The following PTPRM variants were observed in gnomAD, a reference collection of about 807,000 sequenced individuals.
PTPRM encodes protein tyrosine phosphatase receptor type M.
In PTPRM, 47 loss-of-function variants were observed where a neutral mutation model predicts 186.7. The ratio of observed to expected loss-of-function variants is 0.25; its 90% confidence interval spans 0.20 to 0.32. The LOEUF (loss-of-function observed/expected upper bound fraction) is 0.32. Ranked by LOEUF, PTPRM falls within the 10% of genes least tolerant of loss-of-function variation. PTPRM has a pLI of 1.00. For synonymous variants in PTPRM, 668 were observed against 674.9 expected (o/e 0.99, Z 0.16); for missense variants, 1,494 against 1,865.0 (o/e 0.80, Z 3.66).
chr18:7,628,582 T>C lies in PTPRM; in HGVS notation c.73+60691T>C, dbSNP rs146905100. On this transcript the variant is annotated intron_variant, in intron 1 of 32. Coordinates refer to ENST00000580170, the MANE Select transcript of PTPRM (RefSeq NM_001105244.2). The stretch of plus-strand genomic sequence containing the variant: ...TTAAGAGTCACTTCAAGAATGTGCT[T>C]TAATTTAAAGGAAAACTAAGCTTGA... Among the ~76,000 whole-genome samples the C allele has an allele frequency of 4.0e-3, 609 of 152,306 alleles. 4 individuals carry two copies. The highest frequency in any genetic ancestry group is 0.014 in the African/African-American group (586 of 41,558).
At chr18:8,143,542 G>A in intron 13 of PTPRM, 105 bp from the exon 14 acceptor site, 1 of 1,214,546 alleles carries the variant, frequency 8.2e-7, no homozygotes, top group Non-Finnish European at 1.2e-6. Context: ...TGCTGGCTCT[G>A]ATAAGTCTTA....
At chr18:8,147,849 A>G (rs1418592185) in intron 14 of PTPRM, among the ~76,000 whole-genome samples, 3 of 152,080 alleles carry the variant, frequency 2.0e-5, no homozygotes, top group African/African-American at 4.8e-5. Flanking sequence ...AGTTTTTAGC[A>G]TGGAGGGCTG....
intron 1 of PTPRM, among the ~76,000 whole-genome samples, chr18:7,642,099 C>G (rs2038456797): frequency 6.6e-6 from 1 of 152,070 alleles, no homozygotes; most frequent in Non-Finnish European, 1.5e-5. Flanking sequence ...AAGCAAGTAA[C>G]AATACTAGGT....
At chr18:8,372,598 C>A (rs2095670104) in intron 24 of PTPRM, among the ~76,000 whole-genome samples, 1 of 151,496 alleles carries the variant, frequency 6.6e-6, no homozygotes, top group Admixed American at 6.6e-5. Flanking sequence ...CTTAGCCTGT[C>A]TTTTTTAATA....
At chr18:8,230,695 A>G (rs1395988517) in intron 14 of PTPRM, among the ~76,000 whole-genome samples, 3 of 152,020 alleles carry the variant, frequency 2.0e-5, no homozygotes, top group Non-Finnish European at 4.4e-5. Context: ...TGTAATTACT[A>G]TTTTCATGTT....
intron 1 of PTPRM, among the ~76,000 whole-genome samples, chr18:7,729,683 G>C (rs1022239813): frequency 6.6e-6 from 1 of 152,066 alleles, no homozygotes; most frequent in Non-Finnish European, 1.5e-5. Flanking sequence ...CCACTGGTAG[G>C]TATTTTGTCC....
At chr18:7,665,245 C>A (rs1240328955) in intron 1 of PTPRM, among the ~76,000 whole-genome samples, 1 of 152,160 alleles carries the variant, frequency 6.6e-6, no homozygotes, top group Non-Finnish European at 1.5e-5. Context: ...GTCAGCCAAG[C>A]AATTTTCCTT....
At chr18:7,669,982 G>T (rs941017697) in intron 1 of PTPRM, among the ~76,000 whole-genome samples, 5 of 152,034 alleles carry the variant, frequency 3.3e-5, no homozygotes, top group Admixed American at 6.6e-5. Context: ...GACCTCAGAT[G>T]ATCCGCCTGC....
At chr18:7,988,516 AT>A (rs1362121205) in intron 7 of PTPRM, among the ~76,000 whole-genome samples, 3 of 152,140 alleles carry the variant, frequency 2.0e-5, no homozygotes, top group Non-Finnish European at 4.4e-5. Context: ...TATCCAAAAC[AT>A]TGGTATCATC....
At chr18:7,857,858 A>G (rs1460621010) in intron 2 of PTPRM, among the ~76,000 whole-genome samples, 3 of 152,200 alleles carry the variant, frequency 2.0e-5, no homozygotes, top group African/African-American at 4.8e-5. Flanking sequence ...CATAATGTTC[A>G]TTTCTTAGAG....
At chr18:7,842,947 T>TAGAGAGAGAGAGAGAGAGAGAGAGAG (rs1555616950) in intron 2 of PTPRM, among the ~76,000 whole-genome samples, 2 of 112,132 alleles carry the variant, frequency 1.8e-5, no homozygotes, top group African/African-American at 8.4e-5. Flanking sequence ...TATATATATA[T>TAGAGAGAGAGAGAGAGAGAGAGAGAG]AGAGAGAGAG....
At chr18:7,853,074 T>C (rs1567918019) in intron 2 of PTPRM, among the ~76,000 whole-genome samples, 5 of 152,178 alleles carry the variant, frequency 3.3e-5, no homozygotes, top group Admixed American at 6.5e-5. Flanking sequence ...ATCTCAAATA[T>C]GTAAAAGACA....
At chr18:7,615,993 C>T (rs1486333674) in intron 1 of PTPRM, among the ~76,000 whole-genome samples, 1 of 152,102 alleles carries the variant, frequency 6.6e-6, no homozygotes, top group African/African-American at 2.4e-5. Context: ...GACACTGCTG[C>T]TGATCTGACA....
intron 2 of PTPRM, among the ~76,000 whole-genome samples, chr18:7,834,491 T>TACACACACACACACACACAC (rs36162599): frequency 0.014 from 1,200 of 84,582 alleles, 36 homozygotes; most frequent in Middle Eastern, 0.022. Context: ...TATACAAGTA[T>TACACACACACACACACACAC]ACACACACAC....
At chr18:8,169,877 A>G (rs1196960273) in intron 14 of PTPRM, among the ~76,000 whole-genome samples, 1 of 152,204 alleles carries the variant, frequency 6.6e-6, no homozygotes, top group Admixed American at 6.5e-5. Context: ...AACATGATTT[A>G]GTATGCAAGT....
At chr18:7,628,147 C>T (rs997387522) in intron 1 of PTPRM, among the ~76,000 whole-genome samples, 1 of 152,090 alleles carries the variant, frequency 6.6e-6, no homozygotes, top group African/African-American at 2.4e-5. Flanking sequence ...GAGTGAGACT[C>T]CATCACACAC....
chr18:8,205,497 A>T (rs1187889232), intron 14 of PTPRM, among the ~76,000 whole-genome samples: 1 of 152,192 alleles, frequency 6.6e-6, no homozygotes, highest in East Asian at 1.9e-4. Context: ...TTAATTGATC[A>T]CGTACTTTAT....
rs565249190 is a variant in PTPRM, at chr18:7,993,428, A to C, written c.1132+38014A>C. 1.4e-3 allele frequency among the ~76,000 whole-genome samples: 218 copies of C among 152,256 alleles called. 1 individual carries two copies. The highest frequency in any genetic ancestry group is 5.1e-3 in the African/African-American group (210 of 41,584). The stretch of plus-strand genomic sequence containing the variant: ...AAGTCTCCTCTTTGAGGCACATTAT[A>C]GTTAAACTGTCAAAAGTTAAAGAGA... On this transcript the variant is annotated intron_variant, in intron 7 of 32. Transcript: ENST00000580170.
intron 2 of PTPRM, among the ~76,000 whole-genome samples, chr18:7,874,101 A>C (rs1446176077): frequency 1.5e-5 from 2 of 133,102 alleles, no homozygotes; most frequent in African/African-American, 7.0e-5. Flanking sequence ...TCTTTGAATA[A>C]AGTAGGAAAA....
Sources: gnomAD v4.1 joint callset for allele counts (sites outside exome capture counted in the v4.1 genomes callset) on GRCh38, gnomAD v4.1.1 for gene constraint, MANE v1.5 for transcripts, NCBI Gene and HGNC (gene_info 2026-07-23, HGNC 2026-07-21) for gene names.